The following SRRM4 variants were observed in gnomAD, a reference collection of about 807,000 sequenced individuals.
SRRM4 encodes serine/arginine repetitive matrix 4, also known as serine/arginine repetitive matrix protein 4.
SRRM4 carries 33 observed loss-of-function variants against 68.9 expected under a neutral mutation model. The observed-to-expected ratio is 0.48, with a 90% CI of 0.36 to 0.64. The LOEUF (loss-of-function observed/expected upper bound fraction) is 0.64, where lower values mean the gene tolerates loss of function less well. SRRM4 is among the 30% of genes least tolerant of loss of function. The pLI is 0.00. For synonymous variants in SRRM4, 318 were observed against 318.8 expected (o/e 1.00, Z 0.03); for missense variants, 817 against 827.1 (o/e 0.99, Z 0.15).
rs142750952 is a variant in SRRM4, at chr12:119,159,445, C to G, written c.*2647C>G. On this transcript the variant is annotated 3_prime_UTR_variant, in exon 13 of 13. Transcript: ENST00000267260. ...CAGATTGGAGACAGATGTGCTATCT[C>G]CTAACAGAGTGATGAGGCTTCAGTT... is the stretch of plus-strand genomic sequence containing the variant. 2 of 152,326 alleles carry G rather than the reference C, an allele frequency of 1.3e-5. No individual in the cohort carries two copies. The highest frequency in any genetic ancestry group is 1.5e-5 in the Non-Finnish European group (1 of 68,058). 9.4% of individuals were successfully genotyped at this position (152,326 alleles called of 1,614,324 possible). A position where few individuals can be genotyped will look rare whatever the true frequency, so the allele number is the denominator to read the frequency against.
At chr12:119,029,130 CATTACACCATCCCCA>C (rs1265789399) in intron 1 of SRRM4, among the ~76,000 whole-genome samples, 1 of 152,134 alleles carries the variant, frequency 6.6e-6, no homozygotes, top group Admixed American at 6.5e-5. Flanking sequence ...GATGGGTAGG[CATTACACCATCCCCA>C]TTCCCTCAAG....
At position 119,083,776 on chromosome 12, in the gene SRRM4, C is replaced by T. The variant is rs141987985; in HGVS notation, c.132-18460C>T. On this transcript the variant is annotated intron_variant, in intron 1 of 12. Transcript: ENST00000267260. ...CAGAGCTGAGCTGACAGTGCAGCTGCCCAGAACATTGCTAGGTGCCTACAG... is the reference window on the plus strand; with the variant it reads ...CAGAGCTGAGCTGACAGTGCAGCTGTCCAGAACATTGCTAGGTGCCTACAG... 3.3e-5 allele frequency among the ~76,000 whole-genome samples: 5 copies of T among 152,226 alleles called. No individual in the cohort carries two copies. The East Asian group carries it at 7.7e-4, about 24-fold the overall frequency.
chr12:119,058,375 C>A (rs1050500969), intron 1 of SRRM4, among the ~76,000 whole-genome samples: 1 of 152,166 alleles, frequency 6.6e-6, no homozygotes, highest in Non-Finnish European at 1.5e-5. Flanking sequence ...ACACTGTATT[C>A]AGTGCCTTAT....
intron 1 of SRRM4, among the ~76,000 whole-genome samples, chr12:119,041,321 C>T (rs144415682): frequency 5.0e-4 from 76 of 152,148 alleles, no homozygotes; most frequent in African/African-American, 1.4e-3. Flanking sequence ...TTGATTGGGC[C>T]GCTTAACTTG....
intron 1 of SRRM4, among the ~76,000 whole-genome samples, chr12:118,986,990 A>C (rs760266377): frequency 1.3e-5 from 2 of 152,060 alleles, no homozygotes; most frequent in Non-Finnish European, 2.9e-5. Flanking sequence ...GGCTTAGCAA[A>C]ACTAGAGCTC....
chr12:119,082,671 C>G (rs1953956322), intron 1 of SRRM4, among the ~76,000 whole-genome samples: 1 of 152,212 alleles, frequency 6.6e-6, no homozygotes, highest in Admixed American at 6.5e-5. Flanking sequence ...CCTCCTCATC[C>G]TGGAGCCAGC....
intron 7 of SRRM4, among the ~76,000 whole-genome samples, chr12:119,127,818 A>G (rs1338037731): frequency 3.3e-5 from 5 of 152,254 alleles, no homozygotes; most frequent in Admixed American, 2.0e-4. Flanking sequence ...CAGGAGAGGA[A>G]TATTTACCCA....
At chr12:119,002,496 G>C (rs1383364411) in intron 1 of SRRM4, among the ~76,000 whole-genome samples, 1 of 152,192 alleles carries the variant, frequency 6.6e-6, no homozygotes, top group Non-Finnish European at 1.5e-5. Context: ...AATGGCACTG[G>C]CGTTGTCAGA....
intron 1 of SRRM4, among the ~76,000 whole-genome samples, chr12:119,099,360 C>G (rs931809107): frequency 1.3e-5 from 2 of 152,200 alleles, no homozygotes; most frequent in Non-Finnish European, 2.9e-5. Context: ...TCTCAAACTC[C>G]TGACCTCAAG....
chr12:119,134,381 G>GT (rs1954315778), intron 8 of SRRM4, among the ~76,000 whole-genome samples: 1 of 84,552 alleles, frequency 1.2e-5, no homozygotes, highest in Non-Finnish European at 2.3e-5. Context: ...CAGAGAGATT[G>GT]TAAAAAAAAA....
intron 12 of SRRM4, among the ~76,000 whole-genome samples, chr12:119,155,116 G>A (rs1954464164): frequency 6.6e-6 from 1 of 152,244 alleles, no homozygotes; most frequent in Admixed American, 6.5e-5. Context: ...TTGTAAACTT[G>A]AATGCAGAGT....
intron 1 of SRRM4, among the ~76,000 whole-genome samples, chr12:119,028,974 A>G (rs1054278240): frequency 6.6e-5 from 10 of 152,218 alleles, no homozygotes; most frequent in African/African-American, 2.4e-4. Context: ...TTGCTCCATA[A>G]AAAGGAGCAG....
chr12:119,160,980 T>A lies in SRRM4; in HGVS notation c.*4182T>A, dbSNP rs1171448372. 6.6e-6 allele frequency: 1 copy of A among 152,170 alleles called. No homozygotes were observed. The highest frequency in any genetic ancestry group is 2.4e-5 in the African/African-American group (1 of 41,430). 9.4% of individuals were successfully genotyped at this position (152,170 alleles called of 1,614,324 possible). A position where few individuals can be genotyped will look rare whatever the true frequency, so the allele number is the denominator to read the frequency against. On this transcript the variant is annotated 3_prime_UTR_variant, in exon 13 of 13. Transcript: ENST00000267260. ...GACAGCTGATCTTTCAGAAGCAGAA[T>A]AAAATTAAGATGTTAGAACAAAGGT...
At chr12:119,130,011 GAAT>G (rs1317727069) in intron 7 of SRRM4, among the ~76,000 whole-genome samples, 16 of 140,756 alleles carry the variant, frequency 1.1e-4, no homozygotes, top group East Asian at 6.3e-4. Flanking sequence ...ATGGATGGAT[GAAT>G]GCATAGATGG....
intron 6 of SRRM4, 103 bp from the exon 7 acceptor site, chr12:119,125,278 C>T (rs898890683): frequency 1.4e-5 from 14 of 1,017,730 alleles, no homozygotes; most frequent in Middle Eastern, 2.1e-4. Context: ...GGGATGGTGA[C>T]CAGTGCAAAG....
intron 11 of SRRM4, 51 bp downstream of exon 11, chr12:119,153,700 C>A: frequency 7.4e-7 from 1 of 1,349,440 alleles, no homozygotes; most frequent in Non-Finnish European, 1.0e-6. Context: ...CACCCCTTTG[C>A]TCTGATCCTC....
chr12:119,006,594 C>T (rs1040759568), intron 1 of SRRM4, among the ~76,000 whole-genome samples: 14 of 152,160 alleles, frequency 9.2e-5, no homozygotes, highest in African/African-American at 3.1e-4. Flanking sequence ...CTCACTTTCT[C>T]TTGGAGAAGT....
At chr12:119,099,262 G>A (rs546986898) in intron 1 of SRRM4, among the ~76,000 whole-genome samples, 1 of 152,144 alleles carries the variant, frequency 6.6e-6, no homozygotes, top group African/African-American at 2.4e-5. Context: ...AGCCTCCTGA[G>A]TAGCTGGGAT....
chr12:119,143,765 G>A (rs1383798319), intron 8 of SRRM4, among the ~76,000 whole-genome samples: 2 of 152,166 alleles, frequency 1.3e-5, no homozygotes, highest in African/African-American at 2.4e-5. Context: ...ACAGAGACCT[G>A]GAAAGTGGCA....
Sources: gnomAD v4.1 joint callset for allele counts (sites outside exome capture counted in the v4.1 genomes callset) on GRCh38, gnomAD v4.1.1 for gene constraint, MANE v1.5 for transcripts, NCBI Gene and HGNC (gene_info 2026-07-23, HGNC 2026-07-21) for gene names.